The following DPY19L4 variants were observed in gnomAD, a reference collection of about 807,000 sequenced individuals.
DPY19L4 encodes the protein probable C-mannosyltransferase DPY19L4.
DPY19L4 carries 97 observed loss-of-function variants against 102.8 expected under a neutral mutation model. That is an observed-to-expected ratio of 0.94 (90% confidence interval 0.80 to 1.12). DPY19L4 has a LOEUF of 1.12. Ranked by LOEUF, DPY19L4 falls within the 50% of genes most tolerant of loss-of-function variation. DPY19L4 has a pLI of 0.00. For missense variants in DPY19L4, 815 were observed against 850.4 expected (o/e 0.96, Z 0.52); for synonymous variants, 252 against 283.1 (o/e 0.89, Z 1.10).
At chr8:94,733,656 C>T (rs1032904304) in intron 2 of DPY19L4, among the ~76,000 whole-genome samples, 4 of 151,858 alleles carry the variant, frequency 2.6e-5, no homozygotes, top group African/African-American at 9.7e-5. Context: ...ATTCTCCTGC[C>T]TCAGCCTCCC....
intron 1 of DPY19L4, among the ~76,000 whole-genome samples, chr8:94,721,535 A>G (rs1182161131): frequency 6.6e-6 from 1 of 152,216 alleles, no homozygotes; most frequent in African/African-American, 2.4e-5. Flanking sequence ...ACAGTATATC[A>G]TCATTTGAAA....
chr8:94,753,599 G>A (rs554183149), intron 6 of DPY19L4, among the ~76,000 whole-genome samples: 26 of 152,186 alleles, frequency 1.7e-4, no homozygotes, highest in Admixed American at 5.2e-4. Context: ...ATAAGAAAGT[G>A]CGGTGGCTCA....
rs6994098 is a variant in DPY19L4 at position 94,757,255 on chromosome 8, T to C, written c.735+1096T>C. 3.9e-3 allele frequency among the ~76,000 whole-genome samples: 588 copies of C among 152,318 alleles called. 2 individuals carry two copies. Among genetic ancestry groups the C allele is most frequent in the African/African-American group, 0.013 (555 of 41,576 alleles). On this transcript the variant is annotated intron_variant, in intron 7 of 18. Transcript: ENST00000414645. ...AAAAATGTGCTATTCTTTTCTCCTT[T>C]CAGTGGTGACAAATGTCCTGAGCAT...
chr8:94,768,345 TC>T, intron 11 of DPY19L4, 49 bp from the exon 12 acceptor site: 1 of 1,443,118 alleles, frequency 6.9e-7, no homozygotes. Context: ...ACTTCTGTGT[TC>T]AGTTTAAAAC....
intron 6 of DPY19L4, among the ~76,000 whole-genome samples, chr8:94,752,813 C>T (rs566183103): frequency 2.5e-4 from 37 of 150,966 alleles, no homozygotes; most frequent in African/African-American, 8.2e-4. Context: ...TACAGGCGGT[C>T]GCCACCATGC....
rs1412550848 is a variant in DPY19L4, at chr8:94,791,647, T to TCC, written c.*1738_*1739dup. 6.6e-6 allele frequency: 1 copy of TCC among 152,088 alleles called. No individual in the cohort carries two copies. The highest frequency in any genetic ancestry group is 2.4e-5 in the African/African-American group (1 of 41,426). 9.4% of individuals were successfully genotyped at this position (152,088 alleles called of 1,614,324 possible). A position where few individuals can be genotyped will look rare whatever the true frequency, so the allele number is the denominator to read the frequency against. ...AAACAATGTAATTGAAAAGTCAGCT[T>TCC]CCATATTTTGTAGGGGAAATAGAAC... On this transcript the variant is annotated 3_prime_UTR_variant, in exon 19 of 19. Coordinates refer to ENST00000414645, the MANE Select transcript of DPY19L4 (RefSeq NM_181787.3).
At chr8:94,761,630 G>A in intron 7 of DPY19L4, 70 bp from the exon 8 acceptor site, 1 of 1,341,512 alleles carries the variant, frequency 7.5e-7, no homozygotes, top group South Asian at 2.1e-5. Flanking sequence ...CAACTTTGAG[G>A]TAACAGTCTC....
chr8:94,789,596 A>C (rs1042572705), intron 18 of DPY19L4, 150 bp from the exon 19 acceptor site: 2 of 646,380 alleles, frequency 3.1e-6, no homozygotes, highest in Non-Finnish European at 4.9e-6. Context: ...CTTATGAAGA[A>C]GGCTTCTATT....
intron 13 of DPY19L4, among the ~76,000 whole-genome samples, chr8:94,773,993 C>T (rs1479519203): frequency 6.9e-6 from 1 of 145,194 alleles, no homozygotes; most frequent in Non-Finnish European, 1.5e-5. Flanking sequence ...CATGATCACA[C>T]CACTGCACTC....
intron 8 of DPY19L4, among the ~76,000 whole-genome samples, chr8:94,763,003 C>T (rs181992166): frequency 7.1e-4 from 107 of 151,262 alleles, no homozygotes; most frequent in African/African-American, 2.1e-3. Flanking sequence ...GGCTGGAGTG[C>T]GGTGGCTCAA....
chr8:94,758,407 A>G (rs2130867776), intron 7 of DPY19L4, among the ~76,000 whole-genome samples: 1 of 152,276 alleles, frequency 6.6e-6, no homozygotes, highest in African/African-American at 2.4e-5. Context: ...AAGTGGGTGT[A>G]TAGTCATATT....
At chr8:94,749,818 C>G (rs561622284) in intron 6 of DPY19L4, among the ~76,000 whole-genome samples, 1 of 152,258 alleles carries the variant, frequency 6.6e-6, no homozygotes, top group African/African-American at 2.4e-5. Flanking sequence ...CAGAAGACAT[C>G]ATGTTCATTA....
Position 94,790,093 on chromosome 8 carries a change from G to C in DPY19L4, c.*183G>C, listed in dbSNP as rs1169513193. The C allele has an allele frequency of 1.9e-6, 1 of 519,188 alleles. No homozygotes were observed. Among genetic ancestry groups the C allele is most frequent in the African/African-American group, 2.0e-5 (1 of 50,226 alleles). The allele number at this position is 519,188 out of a possible 1,614,324, so 32.2% of individuals were successfully genotyped here. ...AGAAGATCAAGCATTACTGTCCTTTGATTAAATGTGATATCTACCACTCTG... is the reference window on the plus strand; with the variant it reads ...AGAAGATCAAGCATTACTGTCCTTTCATTAAATGTGATATCTACCACTCTG... On this transcript the variant is annotated 3_prime_UTR_variant, in exon 19 of 19. Transcript: ENST00000414645.
At chr8:94,753,592 A>G (rs1240705628) in intron 6 of DPY19L4, among the ~76,000 whole-genome samples, 1 of 152,098 alleles carries the variant, frequency 6.6e-6, no homozygotes, top group Admixed American at 6.6e-5. Context: ...ACTTGACATA[A>G]GAAAGTGCGG....
chr8:94,755,839 C>G (rs149045017), intron 6 of DPY19L4, among the ~76,000 whole-genome samples, 197 bp from the exon 7 acceptor site: 1 of 151,560 alleles, frequency 6.6e-6, no homozygotes, highest in East Asian at 1.9e-4. Context: ...GACCTGAGAT[C>G]GTGCCACTGC....
In DPY19L4 at chr8:94,783,752, A is replaced by T; in HGVS notation, c.1798A>T (p.Thr600Ser). The change falls in exon 17 of 19, where the codon ACA (threonine) becomes TCA (serine). Residue 600 changes from threonine to serine, a missense_variant. By Grantham distance (58) the Thr-to-Ser change is moderately conservative (BLOSUM62 1). Coordinates refer to ENST00000414645, the MANE Select transcript of DPY19L4 (RefSeq NM_181787.3). ...TAAATTATGCACTGGATGGATGGTG[A>T]CAAGTTTGCCTCTTTACAATGATGA... ...AIKLCTGWMV[T>S]SLPLYNDDDL... The T allele has an allele frequency of 6.2e-7, 1 of 1,614,184 alleles. No individual in the cohort carries two copies. Among genetic ancestry groups the T allele is most frequent in the Non-Finnish European group, 8.5e-7 (1 of 1,180,022 alleles).
chr8:94,720,051 A>G, intron 1 of DPY19L4, 37 bp downstream of exon 1: 1 of 1,521,558 alleles, frequency 6.6e-7, no homozygotes, highest in Non-Finnish European at 8.8e-7. Context: ...AACGGCTGCC[A>G]GTGGTCTCGG....
chr8:94,751,702 C>T (rs1199219973), intron 6 of DPY19L4, among the ~76,000 whole-genome samples: 17 of 151,976 alleles, frequency 1.1e-4, no homozygotes, highest in Admixed American at 4.6e-4. Flanking sequence ...GTTGCCCAGG[C>T]TGATCTCGAA....
At chr8:94,733,118 CTTTTTTTTTTTTT>C (rs34879619) in intron 2 of DPY19L4, among the ~76,000 whole-genome samples, 4 of 76,330 alleles carry the variant, frequency 5.2e-5, no homozygotes, top group Admixed American at 1.9e-4. Context: ...TCATCTTAAC[CTTTTTTTTTTTTT>C]TTTTTTTTTT....
Sources: allele counts gnomAD v4.1 joint callset (sites outside exome capture counted in the v4.1 genomes callset), GRCh38; gene constraint gnomAD v4.1.1; transcripts MANE v1.5; gene names NCBI Gene and HGNC (gene_info 2026-07-23, HGNC 2026-07-21).